ABCC4: variants seen among roughly 807,000 people sequenced by gnomAD.
ABCC4 encodes ATP binding cassette subfamily C member 4 (PEL blood group), also known as ATP-binding cassette sub-family C member 4.
ABCC4 carries 102 observed loss-of-function variants against 168.5 expected under a neutral mutation model. The ratio of observed to expected loss-of-function variants is 0.61; its 90% CI spans 0.52 to 0.71. ABCC4 has a LOEUF of 0.71. Among genes scored for constraint, ABCC4 ranks in the 30% least tolerant of loss-of-function variants. ABCC4 has a pLI of 0.00. For synonymous variants in ABCC4, 617 were observed against 590.7 expected (o/e 1.04, Z -0.65); for missense variants, 1,402 against 1,605.8 (o/e 0.87, Z 2.17).
At chr13:95,246,045 A>G (rs2040096746) in intron 3 of ABCC4, among the ~76,000 whole-genome samples, 1 of 152,138 alleles carries the variant, frequency 6.6e-6, no homozygotes, top group African/African-American at 2.4e-5. Flanking sequence ...GACCCTCTGC[A>G]TCTCCTCTAG....
At chr13:95,046,620 T>G (rs939209405) in intron 27 of ABCC4, among the ~76,000 whole-genome samples, 1 of 151,988 alleles carries the variant, frequency 6.6e-6, no homozygotes, top group Non-Finnish European at 1.5e-5. Flanking sequence ...CAAAAAAAAT[T>G]AGCTGGGCAT....
At chr13:95,222,940 C>T (rs1021626172) in intron 4 of ABCC4, among the ~76,000 whole-genome samples, 3 of 152,008 alleles carry the variant, frequency 2.0e-5, no homozygotes, top group African/African-American at 7.3e-5. Flanking sequence ...CCTCTCCATC[C>T]CCAAAAAGAA....
chr13:95,214,326 A>C (rs7988494), intron 4 of ABCC4, among the ~76,000 whole-genome samples: 2 of 151,994 alleles, frequency 1.3e-5, no homozygotes, highest in Non-Finnish European at 2.9e-5. Context: ...TAAAATATTC[A>C]TGTAATTGGA....
At chr13:95,162,760 G>C (rs565390360) in intron 18 of ABCC4, among the ~76,000 whole-genome samples, 7 of 152,156 alleles carry the variant, frequency 4.6e-5, no homozygotes, top group Admixed American at 3.3e-4. Context: ...GGAACCATCC[G>C]AACCACAGGG....
intron 15 of ABCC4, among the ~76,000 whole-genome samples, chr13:95,165,487 C>T (rs568803380): frequency 7.0e-4 from 106 of 152,192 alleles, no homozygotes; most frequent in Admixed American, 2.0e-3. Flanking sequence ...CATTTCTGCC[C>T]GGAGGACTTA....
intron 20 of ABCC4, among the ~76,000 whole-genome samples, chr13:95,092,597 T>C (rs554476160): frequency 1.4e-4 from 22 of 152,266 alleles, no homozygotes; most frequent in Admixed American, 1.2e-3. Context: ...GGAAAGTTCA[T>C]AGCCTTAAAC....
chr13:95,259,002 G>A lies in ABCC4; in HGVS notation c.75-11249C>T, dbSNP rs540225225. Reference sequence around the variant, plus strand: ...GGCAGGGTGGAGAAGGAGGTAGGCTGCTCAGAGTCAGGGACTCTGGAGAGC... The same window carrying A: ...GGCAGGGTGGAGAAGGAGGTAGGCTACTCAGAGTCAGGGACTCTGGAGAGC... On this transcript the variant is annotated intron_variant, in intron 1 of 30. Coordinates refer to ENST00000645237, the MANE Select transcript of ABCC4 (RefSeq NM_005845.5). Among the ~76,000 whole-genome samples, 9 of 152,294 alleles carry A rather than the reference G, an allele frequency of 5.9e-5. No homozygotes were observed. In the East Asian group the frequency reaches 1.7e-3, roughly 29 times the overall value.
chr13:95,219,627 C>T (rs1337535933), intron 4 of ABCC4, among the ~76,000 whole-genome samples: 1 of 152,086 alleles, frequency 6.6e-6, no homozygotes, highest in East Asian at 1.9e-4. Context: ...CTGTCTCAGC[C>T]TCCCAAGTAA....
chr13:95,181,200 G>A (rs965396689), intron 11 of ABCC4, among the ~76,000 whole-genome samples: 18 of 152,190 alleles, frequency 1.2e-4, no homozygotes, highest in African/African-American at 2.4e-4. Flanking sequence ...TGGGTTTGAC[G>A]CCATCTAACC....
intron 3 of ABCC4, among the ~76,000 whole-genome samples, chr13:95,235,609 T>C (rs902308190): frequency 2.6e-5 from 4 of 152,202 alleles, no homozygotes; most frequent in African/African-American, 4.8e-5. Context: ...AATGGAGATA[T>C]TGGCACAAAC....
chr13:95,028,286 C>T (rs762577229), intron 30 of ABCC4, among the ~76,000 whole-genome samples: 23 of 152,070 alleles, frequency 1.5e-4, no homozygotes, highest in African/African-American at 4.8e-5. Context: ...CAAAGTAGAA[C>T]TAATTAAACC....
intron 4 of ABCC4, among the ~76,000 whole-genome samples, chr13:95,227,855 G>A (rs911229690): frequency 1.1e-4 from 16 of 152,002 alleles, no homozygotes; most frequent in African/African-American, 3.4e-4. Flanking sequence ...GATCACAGGC[G>A]TGCACCACCA....
In ABCC4 at chr13:95,207,979, T is replaced by C. The variant is rs150538270; in HGVS notation, c.786-54A>G. ...CCTGAGCGATCACAGCCTGCCCTTA[T>C]CAGCGGCAGGCACAGGCAGGGACCT... is the stretch of plus-strand genomic sequence containing the variant. On this transcript the variant is annotated intron_variant, in intron 6 of 30. Transcript: ENST00000645237. The C allele has an allele frequency of 3.6e-4, 566 of 1,579,122 alleles. 2 individuals carry two copies. The African/African-American group carries it at 7.3e-3, about 20-fold the overall frequency.
chr13:95,243,466 G>C (rs531119513), intron 3 of ABCC4, among the ~76,000 whole-genome samples: 6 of 152,160 alleles, frequency 3.9e-5, no homozygotes, highest in Non-Finnish European at 5.9e-5. Flanking sequence ...CTTCCCCCTC[G>C]TCCATCCGAG....
At chr13:95,144,603 T>TA (rs2036426654) in intron 19 of ABCC4, among the ~76,000 whole-genome samples, 1 of 151,914 alleles carries the variant, frequency 6.6e-6, no homozygotes, top group Non-Finnish European at 1.5e-5. Flanking sequence ...TATACACCAC[T>TA]AACATCCAAG....
At chr13:95,216,226 T>C (rs143082994) in intron 4 of ABCC4, among the ~76,000 whole-genome samples, 1 of 152,182 alleles carries the variant, frequency 6.6e-6, no homozygotes, top group East Asian at 1.9e-4. Context: ...GTTACCAGTG[T>C]TTCTCATTAA....
Position 95,107,971 on chromosome 13 carries a change from G to A in ABCC4, c.2535+7951C>T, listed in dbSNP as rs539182442. On this transcript the variant is annotated intron_variant, in intron 20 of 30. Transcript: ENST00000645237. ...AGAAAGAAAGAAAAGAAAATCTAGT[G>A]TCCTCTCTCTCCTGAGCTTCCAGAT... Among the ~76,000 whole-genome samples, 5 of 152,148 alleles carry A rather than the reference G, an allele frequency of 3.3e-5. No homozygotes were observed. The South Asian group carries it at 8.3e-4, about 25-fold the overall frequency.
rs115581393 is a variant in ABCC4, at chr13:95,290,221, A to G, written c.74+11020T>C. ...CAATTGGCCTATAAGGGGAACAGAC[A>G]TCCATATTTTTATGGCTGTCCAGGT... is the stretch of plus-strand genomic sequence containing the variant. On this transcript the variant is annotated intron_variant, in intron 1 of 30. Coordinates refer to ENST00000645237, the MANE Select transcript of ABCC4 (RefSeq NM_005845.5). 8.5e-3 allele frequency among the ~76,000 whole-genome samples: 1,302 copies of G among 152,282 alleles called. 19 individuals are homozygous for G. Among genetic ancestry groups the G allele is most frequent in the African/African-American group, 0.029 (1,223 of 41,568 alleles).
chr13:95,147,566 C>T (rs1245619476), intron 19 of ABCC4, among the ~76,000 whole-genome samples: 2 of 152,066 alleles, frequency 1.3e-5, no homozygotes, highest in Admixed American at 1.3e-4. Flanking sequence ...TCTAAAACTG[C>T]CTTAGGTCAA....
Sources: gnomAD v4.1 joint callset for allele counts (sites outside exome capture counted in the v4.1 genomes callset) on GRCh38, gnomAD v4.1.1 for gene constraint, MANE v1.5 for transcripts, NCBI Gene and HGNC (gene_info 2026-07-23, HGNC 2026-07-21) for gene names.